DEPDC1B: variants seen among roughly 807,000 people sequenced by gnomAD.
DEPDC1B encodes the protein DEP domain-containing protein 1B.
Under a neutral mutation model 66.5 loss-of-function variants are expected in DEPDC1B, and 51 were observed. That is an observed-to-expected ratio of 0.77 (90% CI 0.61 to 0.97). The LOEUF (loss-of-function observed/expected upper bound fraction) is 0.97. Among genes scored for constraint, DEPDC1B ranks in the 50% least tolerant of loss-of-function variants. The pLI, the probability that DEPDC1B is intolerant of heterozygous loss-of-function variation, is 0.00. For synonymous variants in DEPDC1B, 226 were observed against 223.6 expected (o/e 1.01, Z -0.10); for missense variants, 552 against 637.1 (o/e 0.87, Z 1.44).
At chr5:60,625,051 C>A (rs530007069) in intron 7 of DEPDC1B, among the ~76,000 whole-genome samples, 1 of 152,216 alleles carries the variant, frequency 6.6e-6, no homozygotes, top group Non-Finnish European at 1.5e-5. Context: ...CAGCTTCATC[C>A]ATGTCCCTGC....
chr5:60,610,886 A>G (rs998265081), intron 7 of DEPDC1B, among the ~76,000 whole-genome samples: 1 of 152,210 alleles, frequency 6.6e-6, no homozygotes, highest in African/African-American at 2.4e-5. Flanking sequence ...TGTTAGCTTC[A>G]GTGAGAGAAC....
In DEPDC1B at chr5:60,604,218, C is replaced by CTT. The variant is rs869142199; in HGVS notation, c.1066-653_1066-652dup. On this transcript the variant is annotated intron_variant, in intron 8 of 10. Coordinates refer to ENST00000265036, the MANE Select transcript of DEPDC1B (RefSeq NM_018369.3). ...TTCCATAGAATTGAAATTAACTATT[C>CTT]TTTTTTTTTTTTTTTTTTTTTTTAC... Among the ~76,000 whole-genome samples, 119 of 68,946 alleles carry CTT rather than the reference C, an allele frequency of 1.7e-3. 11 individuals carry two copies. The highest frequency in any genetic ancestry group is 4.9e-3 in the African/African-American group (100 of 20,228). The allele number at this position is 68,946 out of a possible 152,430, so 45.2% of individuals were successfully genotyped here. A position where few individuals can be genotyped will look rare whatever the true frequency, so the allele number is the denominator to read the frequency against.
intron 7 of DEPDC1B, among the ~76,000 whole-genome samples, chr5:60,619,822 G>A (rs942594138): frequency 7.9e-5 from 12 of 152,082 alleles, no homozygotes; most frequent in East Asian, 1.9e-4. Context: ...ACAAGAGCCC[G>A]CATTACCAAA....
At chr5:60,652,939 C>A (rs1753489243) in intron 2 of DEPDC1B, among the ~76,000 whole-genome samples, 1 of 149,168 alleles carries the variant, frequency 6.7e-6, no homozygotes, top group Admixed American at 6.6e-5. Flanking sequence ...TTATTTTGTT[C>A]CTTTTTATGG....
chr5:60,630,759 T>C (rs1452139679), intron 7 of DEPDC1B: 2 of 153,750 alleles, frequency 1.3e-5, no homozygotes, highest in Admixed American at 1.3e-4. Context: ...CAAAAAGACA[T>C]GTTCAAATTT....
At chr5:60,699,257 T>A (rs1754721519) in intron 1 of DEPDC1B, among the ~76,000 whole-genome samples, 2 of 152,012 alleles carry the variant, frequency 1.3e-5, no homozygotes, top group South Asian at 4.1e-4. Context: ...ATGAGAGTAA[T>A]TCCCATGTTA....
rs200213783 is a variant in DEPDC1B at position 60,687,010 on chromosome 5, T to C, written c.266A>G (p.Lys89Arg). 2.5e-6 allele frequency: 4 copies of C among 1,614,242 alleles called. No individual in the cohort carries two copies. The highest frequency in any genetic ancestry group is 2.2e-5 in the East Asian group (1 of 44,890). ...AAAATCTTCCTCACCCCATTTTCCC[T>C]TGATGTCTTCAATAACGTGATTCTT... ...FLKNHVIEDI[K>R]GKWGEEDFED... Residue 89 changes from lysine to arginine, a missense_variant, in exon 2 of 11, where the codon AAG becomes AGG. Transcript: ENST00000265036.
intron 2 of DEPDC1B, among the ~76,000 whole-genome samples, chr5:60,650,532 A>G (rs1482937882): frequency 6.6e-6 from 1 of 152,196 alleles, no homozygotes; most frequent in Non-Finnish European, 1.5e-5. Flanking sequence ...TTCTCCAGAC[A>G]TTGCCAAATG....
chr5:60,685,050 C>G (rs972527587), intron 2 of DEPDC1B, among the ~76,000 whole-genome samples: 1 of 152,150 alleles, frequency 6.6e-6, no homozygotes, highest in Non-Finnish European at 1.5e-5. Context: ...GTTAGAATGG[C>G]TATTGTCAAA....
intron 2 of DEPDC1B, among the ~76,000 whole-genome samples, chr5:60,682,963 C>A (rs1754330798): frequency 6.6e-6 from 1 of 152,090 alleles, no homozygotes; most frequent in African/African-American, 2.4e-5. Flanking sequence ...TACCCTGATA[C>A]CAAAACCAGA....
intron 7 of DEPDC1B, among the ~76,000 whole-genome samples, chr5:60,612,528 C>CAAAAA (rs35196065): frequency 2.1e-4 from 19 of 90,172 alleles, no homozygotes; most frequent in Middle Eastern, 7.6e-3. Context: ...GAGATCTGCT[C>CAAAAA]AAAAAAAAAA....
At chr5:60,667,198 A>G (rs937000322) in intron 2 of DEPDC1B, among the ~76,000 whole-genome samples, 4 of 152,138 alleles carry the variant, frequency 2.6e-5, no homozygotes, top group Non-Finnish European at 5.9e-5. Flanking sequence ...TGTTTTAAGA[A>G]AGGTATTAAG....
At chr5:60,677,586 A>C (rs1009063244) in intron 2 of DEPDC1B, among the ~76,000 whole-genome samples, 8 of 151,764 alleles carry the variant, frequency 5.3e-5, no homozygotes, top group Non-Finnish European at 1.0e-4. Context: ...ACCCAGGCTG[A>C]AGTACAGTGG....
At chr5:60,657,940 T>G (rs1414087702) in intron 2 of DEPDC1B, among the ~76,000 whole-genome samples, 1 of 152,248 alleles carries the variant, frequency 6.6e-6, no homozygotes, top group African/African-American at 2.4e-5. Context: ...CTCTTAGGTT[T>G]GGTCATTTAG....
chr5:60,641,907 T>G (rs1034412919), intron 6 of DEPDC1B, among the ~76,000 whole-genome samples: 1 of 152,182 alleles, frequency 6.6e-6, no homozygotes, highest in Non-Finnish European at 1.5e-5. Flanking sequence ...ACTATTCATA[T>G]ACAGAAGGAT....
chr5:60,624,655 A>G (rs1283965808), intron 7 of DEPDC1B, among the ~76,000 whole-genome samples: 3 of 152,008 alleles, frequency 2.0e-5, no homozygotes, highest in African/African-American at 7.2e-5. Flanking sequence ...CAGAAAACTT[A>G]GTACAATTTC....
At chr5:60,616,907 A>G (rs1321712776) in intron 7 of DEPDC1B, among the ~76,000 whole-genome samples, 1 of 152,230 alleles carries the variant, frequency 6.6e-6, no homozygotes, top group Non-Finnish European at 1.5e-5. Context: ...GTTACCCACA[A>G]AGGGAAGCCC....
chr5:60,621,867 G>A (rs1007640571), intron 7 of DEPDC1B, among the ~76,000 whole-genome samples: 19 of 151,962 alleles, frequency 1.3e-4, no homozygotes, highest in African/African-American at 4.6e-4. Context: ...TTTTCTGAAC[G>A]TTTTTGGTGA....
chr5:60,636,866 CT>C lies in DEPDC1B; in HGVS notation c.898+1883del, dbSNP rs1253282563. Among the ~76,000 whole-genome samples, 4 of 152,204 alleles carry C rather than the reference CT, an allele frequency of 2.6e-5. No homozygotes were observed. The South Asian group carries it at 8.3e-4, about 32-fold the overall frequency. ...CCCAATCTGCCCATCCTTTTCCACC[CT>C]GAAGCCACTAAAGATGATATATTAG... On this transcript the variant is annotated intron_variant, in intron 7 of 10. Coordinates refer to ENST00000265036, the MANE Select transcript of DEPDC1B (RefSeq NM_018369.3).
Sources: allele counts gnomAD v4.1 joint callset (sites outside exome capture counted in the v4.1 genomes callset), GRCh38; gene constraint gnomAD v4.1.1; transcripts MANE v1.5; gene names NCBI Gene and HGNC (gene_info 2026-07-23, HGNC 2026-07-21).